The following UGT1A7 variants were observed in gnomAD, a reference collection of about 807,000 sequenced individuals.
UGT1A7 encodes UDP glucuronosyltransferase family 1 member A7, also known as UDP-glucuronosyltransferase 1A7.
In UGT1A7, 33 loss-of-function variants were observed where a neutral mutation model predicts 45.6. That is an observed-to-expected ratio of 0.72 (90% CI 0.55 to 0.97). The LOEUF is 0.97. Among genes scored for constraint, UGT1A7 ranks in the 50% least tolerant of loss-of-function variants. UGT1A7 has a pLI of 0.00. For synonymous variants in UGT1A7, 274 were observed against 250.6 expected (o/e 1.09, Z -0.88); for missense variants, 684 against 666.2 (o/e 1.03, Z -0.29).
Position 233,757,535 on chromosome 2 carries a change from A to AATATATATATATATATATATATAT in UGT1A7, c.856-9496_856-9473dup, listed in dbSNP as rs67292694. On this transcript the variant is annotated intron_variant, in intron 1 of 4. Transcript: ENST00000373426. ...CAAAGCCAAAATCTTGCCTGTAAGG[A>AATATATATATATATATATATATAT]ATATATATATATATATATATATATA... Among the ~76,000 whole-genome samples the AATATATATATATATATATATATAT allele has an allele frequency of 1.4e-3, 127 of 88,238 alleles. 1 individual carries two copies. The highest frequency in any genetic ancestry group is 9.2e-3 in the East Asian group (33 of 3,584). The allele number at this position is 88,238 out of a possible 152,430, so 57.9% of individuals were successfully genotyped here.
At chr2:233,764,695 A>C (rs1698624140) in intron 1 of UGT1A7, among the ~76,000 whole-genome samples, 1 of 152,184 alleles carries the variant, frequency 6.6e-6, no homozygotes. Context: ...GAGCACTTGG[A>C]AATGAGCTGT....
intron 1 of UGT1A7, among the ~76,000 whole-genome samples, chr2:233,697,199 A>T (rs1410890710): frequency 1.3e-5 from 2 of 152,084 alleles, no homozygotes; most frequent in Admixed American, 6.5e-5. Context: ...CAGTGAATCC[A>T]TCTGGTCCTG....
chr2:233,744,560 T>C (rs1423343809), intron 1 of UGT1A7, among the ~76,000 whole-genome samples: 1 of 151,924 alleles, frequency 6.6e-6, no homozygotes, highest in Admixed American at 6.5e-5. Flanking sequence ...CAAAATGTAG[T>C]GAGAAGAGTG....
At chr2:233,750,863 G>A (rs1036231248) in intron 1 of UGT1A7, 1 of 151,894 alleles carries the variant, frequency 6.6e-6, no homozygotes, top group Non-Finnish European at 1.5e-5. Context: ...CCAGGCAGAA[G>A]TTTGCTGCAT....
chr2:233,747,678 C>T, intron 1 of UGT1A7: 3 of 1,607,090 alleles, frequency 1.9e-6, no homozygotes, highest in Admixed American at 1.7e-5. Context: ...CCCAATTTAC[C>T]TCTGTGGGGC....
intron 1 of UGT1A7, chr2:233,755,811 GA>G (rs2125938248): frequency 6.6e-6 from 1 of 152,252 alleles, no homozygotes; most frequent in East Asian, 1.9e-4. Flanking sequence ...GATTAAAACA[GA>G]ATTAAAAAGA....
intron 1 of UGT1A7, chr2:233,719,512 A>G: frequency 6.2e-7 from 1 of 1,613,910 alleles, no homozygotes; most frequent in Non-Finnish European, 8.5e-7. Context: ...TCTGCCCCTT[A>G]TGCAAGTCTT....
chr2:233,704,756 A>G (rs1028041408), intron 1 of UGT1A7, among the ~76,000 whole-genome samples: 2 of 152,104 alleles, frequency 1.3e-5, no homozygotes, highest in Non-Finnish European at 2.9e-5. Flanking sequence ...TTATTGTCAA[A>G]TATATTACGC....
At chr2:233,712,962 G>A (rs1424836209) in intron 1 of UGT1A7, 3 of 1,612,762 alleles carry the variant, frequency 1.9e-6, no homozygotes, top group African/African-American at 2.7e-5. Flanking sequence ...ACGTGGGGTG[G>A]ACAGTCAGCT....
chr2:233,691,064 A>G, intron 1 of UGT1A7: 1 of 986,774 alleles, frequency 1.0e-6, no homozygotes, highest in Non-Finnish European at 1.2e-6. Context: ...GGTCTAGTAT[A>G]AAGAATGTGA....
Position 233,767,954 on chromosome 2 carries a change from G to A in UGT1A7, c.1075+18G>A, listed in dbSNP as rs770382182. On this transcript the variant is annotated intron_variant, in intron 3 of 4. Transcript: ENST00000373426. ...TCTGCTTGGTATGTTGGGCGGATTG[G>A]ATGTATAGGTCAAACCAGGGTCAAA... 1.9e-5 allele frequency: 30 copies of A among 1,614,036 alleles called. No homozygotes were observed. The highest frequency in any genetic ancestry group is 2.5e-6 in the Non-Finnish European group (3 of 1,180,050).
chr2:233,760,371 G>A, intron 1 of UGT1A7: 1 of 1,614,158 alleles, frequency 6.2e-7, no homozygotes, highest in Non-Finnish European at 8.5e-7. Flanking sequence ...CCCATGCTGG[G>A]AAGATACTGT....
At chr2:233,724,990 G>T (rs1408301840) in intron 1 of UGT1A7, among the ~76,000 whole-genome samples, 1 of 144,142 alleles carries the variant, frequency 6.9e-6, no homozygotes, top group Non-Finnish European at 1.5e-5. Context: ...CGCGGTTAGG[G>T]GCTGGAGACC....
At chr2:233,705,008 C>T (rs750205782) in intron 1 of UGT1A7, among the ~76,000 whole-genome samples, 15 of 151,968 alleles carry the variant, frequency 9.9e-5, no homozygotes, top group African/African-American at 1.7e-4. Context: ...TGGTGGCAGG[C>T]GCCTGTAATC....
rs199541495 is a variant in UGT1A7 at position 233,713,270 on chromosome 2, G to A, written c.855+30478G>A. ...CCCAGGACGAATTTGATCGCCTTTT[G>A]CTGGGTCACACTCAATCGTTCTTTG... On this transcript the variant is annotated intron_variant, in intron 1 of 4. Coordinates refer to ENST00000373426, the MANE Select transcript of UGT1A7 (RefSeq NM_019077.3). 2.5e-6 allele frequency: 4 copies of A among 1,614,126 alleles called. No homozygotes were observed. In the African/African-American group the frequency reaches 5.3e-5, roughly 22 times the overall value.
chr2:233,722,557 T>C (rs910752040), intron 1 of UGT1A7, among the ~76,000 whole-genome samples: 1 of 152,244 alleles, frequency 6.6e-6, no homozygotes, highest in Non-Finnish European at 1.5e-5. Flanking sequence ...TTTTGGTTGA[T>C]TTGTAGCTGC....
chr2:233,745,916 A>G (rs1693246629), intron 1 of UGT1A7, among the ~76,000 whole-genome samples: 1 of 151,488 alleles, frequency 6.6e-6, no homozygotes. Flanking sequence ...CAGCTGAGGC[A>G]GTGATTCAGA....
At chr2:233,687,531 G>T (rs551653016) in intron 1 of UGT1A7, among the ~76,000 whole-genome samples, 2 of 146,212 alleles carry the variant, frequency 1.4e-5, no homozygotes, top group South Asian at 4.4e-4. Context: ...CTTGCCCAAG[G>T]TTATGCCTCA....
At chr2:233,689,490 A>G (rs943667421) in intron 1 of UGT1A7, among the ~76,000 whole-genome samples, 8 of 152,220 alleles carry the variant, frequency 5.3e-5, no homozygotes, top group Admixed American at 3.9e-4. Context: ...GAAATCGCAA[A>G]TCAATACGCA....
Sources: allele counts gnomAD v4.1 joint callset (sites outside exome capture counted in the v4.1 genomes callset), GRCh38; gene constraint gnomAD v4.1.1; transcripts MANE v1.5; gene names NCBI Gene and HGNC (gene_info 2026-07-23, HGNC 2026-07-21).